FHIT: variants seen among roughly 807,000 people sequenced by gnomAD.
FHIT encodes fragile histidine triad diadenosine triphosphatase.
In FHIT, 19 loss-of-function variants were observed where a neutral mutation model predicts 17.9. The ratio of observed to expected loss-of-function variants is 1.06; its 90% confidence interval spans 0.74 to 1.56. FHIT has a LOEUF of 1.56. Among genes scored for constraint, FHIT ranks in the 40% most tolerant of loss-of-function variants. The probability of loss-of-function intolerance (pLI) is 0.00; values close to 1 mark genes in which losing one functional copy is unlikely to be tolerated. For synonymous variants in FHIT, 81 were observed against 69.7 expected (o/e 1.16, Z -0.81); for missense variants, 248 against 189.2 (o/e 1.31, Z -1.82).
chr3:60,443,709 A>G (rs1259004446), intron 5 of FHIT, among the ~76,000 whole-genome samples: 1 of 152,100 alleles, frequency 6.6e-6, no homozygotes, highest in African/African-American at 2.4e-5. Context: ...ATCGATGTTC[A>G]TCAGGGATAC....
intron 4 of FHIT, among the ~76,000 whole-genome samples, chr3:60,653,241 A>G (rs2040037419): frequency 6.6e-6 from 1 of 152,208 alleles, no homozygotes; most frequent in Non-Finnish European, 1.5e-5. Context: ...TCTAGTTAAT[A>G]TCGTCAAGAA....
At chr3:61,205,761 T>C (rs1342049820) in intron 1 of FHIT, among the ~76,000 whole-genome samples, 1 of 152,150 alleles carries the variant, frequency 6.6e-6, no homozygotes, top group Non-Finnish European at 1.5e-5. Flanking sequence ...TCTCCCATTC[T>C]GTAGGTTGCC....
At chr3:60,499,322 C>T (rs943306212) in intron 5 of FHIT, among the ~76,000 whole-genome samples, 8 of 152,108 alleles carry the variant, frequency 5.3e-5, no homozygotes, top group Non-Finnish European at 8.8e-5. Flanking sequence ...AAATGAAGTC[C>T]TTAGAAGGCC....
chr3:59,944,422 C>T (rs1706692440), intron 7 of FHIT, among the ~76,000 whole-genome samples: 1 of 152,192 alleles, frequency 6.6e-6, no homozygotes, highest in Non-Finnish European at 1.5e-5. Flanking sequence ...ACTGGCAACC[C>T]CACAACCACT....
At chr3:60,723,576 G>T (rs2041855521) in intron 4 of FHIT, among the ~76,000 whole-genome samples, 1 of 152,190 alleles carries the variant, frequency 6.6e-6, no homozygotes, top group Admixed American at 6.5e-5. Context: ...GTCGCAGCTT[G>T]TTGCTTAAGG....
intron 7 of FHIT, among the ~76,000 whole-genome samples, 164 bp from the exon 8 acceptor site, chr3:59,922,578 C>T (rs930657020): frequency 6.6e-6 from 1 of 151,978 alleles, no homozygotes; most frequent in African/African-American, 2.4e-5. Flanking sequence ...TGAAATCTGC[C>T]GAGAAGAGAG....
chr3:60,963,216 T>C (rs1048456301), intron 3 of FHIT, among the ~76,000 whole-genome samples: 1 of 152,238 alleles, frequency 6.6e-6, no homozygotes, highest in African/African-American at 2.4e-5. Context: ...TTTATTTGCA[T>C]AGAGGTGTTT....
At chr3:60,194,366 G>A (rs1406609531) in intron 5 of FHIT, among the ~76,000 whole-genome samples, 1 of 152,094 alleles carries the variant, frequency 6.6e-6, no homozygotes, top group Non-Finnish European at 1.5e-5. Flanking sequence ...AATGGTACTG[G>A]GAAACCTGGA....
intron 7 of FHIT, among the ~76,000 whole-genome samples, chr3:59,995,641 T>C (rs1290025365): frequency 6.6e-6 from 1 of 152,132 alleles, no homozygotes; most frequent in Non-Finnish European, 1.5e-5. Context: ...TCCTTGATGG[T>C]GAAAGCACAT....
intron 2 of FHIT, among the ~76,000 whole-genome samples, chr3:61,050,309 T>C (rs1270750549): frequency 6.6e-6 from 1 of 152,044 alleles, no homozygotes; most frequent in Non-Finnish European, 1.5e-5. Context: ...ATCCAGTTTC[T>C]CTCACAAATC....
At chr3:60,413,261 G>C (rs1702128572) in intron 5 of FHIT, among the ~76,000 whole-genome samples, 1 of 152,132 alleles carries the variant, frequency 6.6e-6, no homozygotes, top group Non-Finnish European at 1.5e-5. Flanking sequence ...AGACATCAAA[G>C]AGTTAATAAA....
At chr3:60,928,265 C>A (rs144225366) in intron 3 of FHIT, among the ~76,000 whole-genome samples, 6 of 147,452 alleles carry the variant, frequency 4.1e-5, no homozygotes, top group Non-Finnish European at 8.9e-5. Flanking sequence ...TATGACCCTG[C>A]GAAATCCCCC....
intron 4 of FHIT, among the ~76,000 whole-genome samples, chr3:60,744,239 A>C (rs74865621): frequency 0.12 from 15,534 of 126,696 alleles, 1,319 homozygotes; most frequent in Non-Finnish European, 0.18. Flanking sequence ...GCAAATTGGA[A>C]GTAATGTAAA....
At chr3:60,660,386 C>T (rs1378629525) in intron 4 of FHIT, among the ~76,000 whole-genome samples, 1 of 152,088 alleles carries the variant, frequency 6.6e-6, no homozygotes, top group African/African-American at 2.4e-5. Context: ...GGAATCTGTG[C>T]AAGGATGCCT....
chr3:60,160,846 G>C (rs1011045880), intron 5 of FHIT, among the ~76,000 whole-genome samples: 7 of 152,014 alleles, frequency 4.6e-5, no homozygotes, highest in African/African-American at 1.2e-4. Flanking sequence ...GAGAGAGAGA[G>C]AGAGGTTAAT....
chr3:59,858,300 C>T (rs1461939826), intron 8 of FHIT, among the ~76,000 whole-genome samples: 1 of 138,504 alleles, frequency 7.2e-6, no homozygotes, highest in Non-Finnish European at 1.5e-5. Flanking sequence ...GATCTCGGCT[C>T]ACTCCAACCT....
intron 5 of FHIT, among the ~76,000 whole-genome samples, chr3:60,061,543 T>A (rs1041580507): frequency 2.6e-5 from 4 of 152,222 alleles, no homozygotes; most frequent in Admixed American, 6.5e-5. Context: ...CGATTCCCTG[T>A]TTTGTCAGTG....
At chr3:61,207,712 C>A (rs991852053) in intron 1 of FHIT, among the ~76,000 whole-genome samples, 36 of 152,132 alleles carry the variant, frequency 2.4e-4, no homozygotes, top group Non-Finnish European at 3.8e-4. Context: ...TCTCTCTTTT[C>A]TTCTTCATTA....
intron 8 of FHIT, among the ~76,000 whole-genome samples, chr3:59,844,695 T>A (rs1429798847): frequency 6.6e-6 from 1 of 152,206 alleles, no homozygotes; most frequent in East Asian, 1.9e-4. Flanking sequence ...GTATAATTCT[T>A]TTAATATACC....
Sources: allele counts gnomAD v4.1 joint callset (sites outside exome capture counted in the v4.1 genomes callset), GRCh38; gene constraint gnomAD v4.1.1; transcripts MANE v1.5; gene names NCBI Gene and HGNC (gene_info 2026-07-23, HGNC 2026-07-21).